RALGAPA2: variants seen among roughly 807,000 people sequenced by gnomAD.
RALGAPA2 encodes the protein Ral GTPase activating protein catalytic subunit alpha 2.
A neutral mutation model predicts 230.4 loss-of-function variants in RALGAPA2; 139 were observed. The observed-to-expected ratio is 0.60, with a 90% confidence interval of 0.53 to 0.69. The LOEUF is 0.69. RALGAPA2 is among the 30% of genes least tolerant of loss of function. The pLI is 0.00. For synonymous variants in RALGAPA2, 847 were observed against 837.8 expected, an observed-to-expected ratio of 1.01 and a Z score of -0.19; for missense variants, 2,163 against 2,276.0, an observed-to-expected ratio of 0.95 and a Z score of 1.01.
At chr20:20,553,236 G>T (rs972035105) in intron 23 of RALGAPA2, among the ~76,000 whole-genome samples, 1 of 152,150 alleles carries the variant, frequency 6.6e-6, no homozygotes, top group African/African-American at 2.4e-5. Flanking sequence ...CAGAGTAATT[G>T]GGTTCTGCAC....
chr20:20,505,488 C>T lies in RALGAPA2; in HGVS notation c.4975G>A (p.Glu1659Lys). The T allele has an allele frequency of 6.2e-7, 1 of 1,605,698 alleles. No individual in the cohort carries two copies. The highest frequency in any genetic ancestry group is 8.5e-7 in the Non-Finnish European group (1 of 1,175,354). The change falls in exon 34 of 40, where the codon GAA (glutamate) becomes AAA (lysine). Residue 1659 changes from glutamate to lysine, a missense_variant. Coordinates refer to ENST00000202677, the MANE Select transcript of RALGAPA2 (RefSeq NM_020343.4). ...IAVFYIAEGQ[E>K]DKCSILSNER... ...TTAGAGAGGATTGAACACTTGTCTT[C>T]TTGACCTTCAGCAATGTAAAACACT...
intron 31 of RALGAPA2, among the ~76,000 whole-genome samples, chr20:20,515,665 G>A (rs1477816568): frequency 6.6e-6 from 1 of 152,212 alleles, no homozygotes; most frequent in African/African-American, 2.4e-5. Context: ...TGCCTTGCAG[G>A]CATTCTCAGT....
At chr20:20,401,855 C>G (rs2059847690) in intron 38 of RALGAPA2, among the ~76,000 whole-genome samples, 1 of 152,178 alleles carries the variant, frequency 6.6e-6, no homozygotes, top group Admixed American at 6.5e-5. Flanking sequence ...TTTTGAATTG[C>G]AAAGTAGGCA....
At chr20:20,599,359 C>T (rs1274813481) in intron 16 of RALGAPA2, among the ~76,000 whole-genome samples, 1 of 152,154 alleles carries the variant, frequency 6.6e-6, no homozygotes, top group East Asian at 1.9e-4. Context: ...TGAAACCCAT[C>T]CTTTTATGTC....
chr20:20,427,619 T>A (rs1298654816), intron 37 of RALGAPA2, among the ~76,000 whole-genome samples: 1 of 151,952 alleles, frequency 6.6e-6, no homozygotes, highest in Non-Finnish European at 1.5e-5. Context: ...CCTCCAGTGC[T>A]CCTGGGCACC....
chr20:20,465,134 T>TC (rs973298267), intron 37 of RALGAPA2, among the ~76,000 whole-genome samples: 4 of 92,324 alleles, frequency 4.3e-5, no homozygotes, highest in African/African-American at 1.7e-4. Flanking sequence ...GCTTCTTCCC[T>TC]CCCCCCGCAG....
At chr20:20,587,544 T>C (rs1445880574) in intron 18 of RALGAPA2, among the ~76,000 whole-genome samples, 2 of 152,126 alleles carry the variant, frequency 1.3e-5, no homozygotes, top group Non-Finnish European at 2.9e-5. Flanking sequence ...AGACTTAAAT[T>C]TGTAGAGCAA....
intron 4 of RALGAPA2, among the ~76,000 whole-genome samples, chr20:20,652,108 C>T (rs1357303050): frequency 1.3e-5 from 2 of 152,128 alleles, no homozygotes; most frequent in Admixed American, 1.3e-4. Flanking sequence ...GACATATACA[C>T]TTTTTTAAAT....
intron 35 of RALGAPA2, among the ~76,000 whole-genome samples, chr20:20,496,253 C>A (rs1408155591): frequency 6.6e-6 from 1 of 152,012 alleles, no homozygotes; most frequent in Non-Finnish European, 1.5e-5. Flanking sequence ...AAAACAAGAC[C>A]CCTTGAGAGT....
chr20:20,405,896 T>A (rs978590648), intron 38 of RALGAPA2, among the ~76,000 whole-genome samples: 3 of 152,224 alleles, frequency 2.0e-5, no homozygotes, highest in African/African-American at 7.2e-5. Context: ...CTGTGCTGCT[T>A]AAAGCAACAG....
chr20:20,609,676 G>C (rs1417185460), intron 14 of RALGAPA2, among the ~76,000 whole-genome samples: 1 of 152,234 alleles, frequency 6.6e-6, no homozygotes, highest in East Asian at 1.9e-4. Flanking sequence ...GCCAGTGTGA[G>C]ACTGGCTTCA....
chr20:20,478,171 G>A (rs1387201668), intron 36 of RALGAPA2, among the ~76,000 whole-genome samples: 1 of 152,082 alleles, frequency 6.6e-6, no homozygotes, highest in Non-Finnish European at 1.5e-5. Flanking sequence ...TAACTCATGG[G>A]TCAACAAAAT....
intron 1 of RALGAPA2, among the ~76,000 whole-genome samples, chr20:20,687,995 A>C (rs2068766813): frequency 6.6e-6 from 1 of 152,166 alleles, no homozygotes; most frequent in African/African-American, 2.4e-5. Flanking sequence ...GCGTGCAGTA[A>C]TGTGCTAACT....
chr20:20,638,558 T>C (rs2066932674), intron 7 of RALGAPA2, among the ~76,000 whole-genome samples: 1 of 152,096 alleles, frequency 6.6e-6, no homozygotes, highest in East Asian at 1.9e-4. Context: ...ATCAATTCCA[T>C]CCGCCTTATC....
At chr20:20,592,109 C>T (rs1476049321) in intron 16 of RALGAPA2, among the ~76,000 whole-genome samples, 5 of 152,154 alleles carry the variant, frequency 3.3e-5, no homozygotes, top group Non-Finnish European at 5.9e-5. Flanking sequence ...CCACCTTTTA[C>T]GTAGGTTGTT....
intron 35 of RALGAPA2, among the ~76,000 whole-genome samples, chr20:20,500,635 G>A (rs373284614): frequency 6.6e-6 from 1 of 152,044 alleles, no homozygotes; most frequent in Non-Finnish European, 1.5e-5. Context: ...CATGAGGGTG[G>A]GACTCTATCC....
intron 37 of RALGAPA2, among the ~76,000 whole-genome samples, chr20:20,427,049 A>G (rs1199713782): frequency 6.6e-6 from 1 of 152,180 alleles, no homozygotes; most frequent in Non-Finnish European, 1.5e-5. Context: ...GCCTGACTTG[A>G]GAGCCTGGCT....
intron 35 of RALGAPA2, among the ~76,000 whole-genome samples, chr20:20,496,144 C>T (rs776074512): frequency 6.7e-6 from 1 of 149,454 alleles, no homozygotes; most frequent in Non-Finnish European, 1.5e-5. Flanking sequence ...GTAGTGTAGC[C>T]CACTTGTTTT....
At chr20:20,478,277 G>A (rs1326217900) in intron 36 of RALGAPA2, among the ~76,000 whole-genome samples, 6 of 152,254 alleles carry the variant, frequency 3.9e-5, no homozygotes, top group East Asian at 3.9e-4. Flanking sequence ...TACAGGGACC[G>A]TGTAGAATGA....
Sources: gnomAD v4.1 joint callset for allele counts (sites outside exome capture counted in the v4.1 genomes callset) on GRCh38, gnomAD v4.1.1 for gene constraint, MANE v1.5 for transcripts, NCBI Gene and HGNC (gene_info 2026-07-23, HGNC 2026-07-21) for gene names.